ZNF175: variants seen among roughly 807,000 people sequenced by gnomAD.
ZNF175 encodes zinc finger protein 175.
A neutral mutation model predicts 14.0 loss-of-function variants in ZNF175; 8 were observed. That is an observed-to-expected ratio of 0.57 (90% CI 0.34 to 1.03). The LOEUF (loss-of-function observed/expected upper bound fraction) is 1.03. Ranked by LOEUF, ZNF175 falls within the 50% of genes least tolerant of loss-of-function variation. ZNF175 has a pLI of 0.03. For missense variants in ZNF175, 764 were observed against 849.5 expected (o/e 0.90, Z 1.25); for synonymous variants, 255 against 296.8 (o/e 0.86, Z 1.45).
Position 51,589,703 on chromosome 19 carries a change from TAA to T in ZNF175, c.*1238_*1239del. 1 of 645,168 alleles carries T rather than the reference TAA, an allele frequency of 1.5e-6. No individual in the cohort carries two copies. The highest frequency in any genetic ancestry group is 2.8e-6 in the Non-Finnish European group (1 of 360,958). The allele number at this position is 645,168 out of a possible 1,614,324, so 40.0% of individuals were successfully genotyped here. A position where few individuals can be genotyped will look rare whatever the true frequency, so the allele number is the denominator to read the frequency against. On this transcript the variant is annotated 3_prime_UTR_variant, in exon 5 of 5. Coordinates refer to ENST00000262259, the MANE Select transcript of ZNF175 (RefSeq NM_007147.4). ...TGGCCTCCCAACTGTTTTTTTAAAA[TAA>T]AGTTTTATTGGAACACAGCCATGTT...
intron 2 of ZNF175, among the ~76,000 whole-genome samples, chr19:51,580,452 G>A (rs1290042766): frequency 6.6e-6 from 1 of 152,110 alleles, no homozygotes; most frequent in Non-Finnish European, 1.5e-5. Context: ...TGACATTTTT[G>A]TTTTGTCCTT....
In ZNF175 at chr19:51,581,507, C is replaced by G. The variant is rs887549371; in HGVS notation, c.189C>G (p.Leu63=). The change falls in exon 3 of 5, where the codon CTC becomes CTG. Residue 63 remains leucine (L), a synonymous_variant. Coordinates refer to ENST00000262259, the MANE Select transcript of ZNF175 (RefSeq NM_007147.4). ...RDVMLELYSH[L]FAVGYHIPNP... ...TGATGCTGGAGCTCTATAGCCATCT[C>G]TTCGCAGTGGGTGAGCACAACTGAC... 6.2e-7 allele frequency: 1 copy of G among 1,613,140 alleles called. No individual in the cohort carries two copies. The highest frequency in any genetic ancestry group is 1.7e-5 in the Admixed American group (1 of 59,974).
In ZNF175 at chr19:51,587,508, T is replaced by C; in HGVS notation, c.1177T>C (p.Cys393Arg). ...RTHSREKLYE[C>R]SECGKGFSQN... ...TCACAGTAGAGAAAAACTCTATGAA[T>C]GCAGTGAATGTGGCAAAGGCTTCTC... Residue 393 changes from cysteine to arginine, a missense_variant, in exon 5 of 5, where the codon TGC becomes CGC. Cys to Arg is a radical substitution (Grantham distance 180). Coordinates refer to ENST00000262259, the MANE Select transcript of ZNF175 (RefSeq NM_007147.4). 6.2e-7 allele frequency: 1 copy of C among 1,614,200 alleles called. No homozygotes were observed. Among genetic ancestry groups the C allele is most frequent in the South Asian group, 1.1e-5 (1 of 91,088 alleles).
At position 51,589,284 on chromosome 19, in the gene ZNF175, A is replaced by G; in HGVS notation, c.*817A>G. 1 of 501,970 alleles carries G rather than the reference A, an allele frequency of 2.0e-6. No individual in the cohort carries two copies. Among genetic ancestry groups the G allele is most frequent in the Non-Finnish European group, 3.5e-6 (1 of 282,698 alleles). The allele number at this position is 501,970 out of a possible 1,614,324, so 31.1% of individuals were successfully genotyped here. A position where few individuals can be genotyped will look rare whatever the true frequency, so the allele number is the denominator to read the frequency against. On this transcript the variant is annotated 3_prime_UTR_variant, in exon 5 of 5. Transcript: ENST00000262259. ...TGTATGTATGCGTATGTATGTATGT[A>G]TGTATGCCCTCAGTGCAGTGGGGTT... is the stretch of plus-strand genomic sequence containing the variant.
At position 51,589,216 on chromosome 19, in the gene ZNF175, A is replaced by G. The variant is rs1034855672; in HGVS notation, c.*749A>G. 7.4e-6 allele frequency: 2 copies of G among 268,608 alleles called. No individual in the cohort carries two copies. The highest frequency in any genetic ancestry group is 2.2e-5 in the African/African-American group (1 of 45,494). 16.6% of individuals were successfully genotyped at this position (268,608 alleles called of 1,614,324 possible). On this transcript the variant is annotated 3_prime_UTR_variant, in exon 5 of 5. Coordinates refer to ENST00000262259, the MANE Select transcript of ZNF175 (RefSeq NM_007147.4). Reference sequence around the variant, plus strand: ...TATTTCTGTATCTATGTATGTATATATATGCATATGCAGACATATGTATAT... The same window carrying G: ...TATTTCTGTATCTATGTATGTATATGTATGCATATGCAGACATATGTATAT...
Position 51,588,526 on chromosome 19 carries a change from G to A in ZNF175, c.*59G>A, listed in dbSNP as rs1982254714. 5 of 1,482,006 alleles carry A rather than the reference G, an allele frequency of 3.4e-6. No homozygotes were observed. Among genetic ancestry groups the A allele is most frequent in the Admixed American group, 4.8e-5 (2 of 41,892 alleles). The allele number at this position is 1,482,006 out of a possible 1,614,324, so 91.8% of individuals were successfully genotyped here. On this transcript the variant is annotated 3_prime_UTR_variant, in exon 5 of 5. Coordinates refer to ENST00000262259, the MANE Select transcript of ZNF175 (RefSeq NM_007147.4). Reference sequence around the variant, plus strand: ...TATACTCCGAGTTTCTTGAAGAAGAGAAAATCTTCTCAGAATCAGGTCTAA... The same window carrying A: ...TATACTCCGAGTTTCTTGAAGAAGAAAAAATCTTCTCAGAATCAGGTCTAA...
chr19:51,571,768 C>T (rs564351379), intron 1 of ZNF175, among the ~76,000 whole-genome samples: 10 of 152,124 alleles, frequency 6.6e-5, no homozygotes, highest in Non-Finnish European at 1.2e-4. Context: ...GATTCACTGT[C>T]CGTGGGACTA....
chr19:51,581,057 A>C (rs1981980007), intron 2 of ZNF175, among the ~76,000 whole-genome samples: 1 of 152,048 alleles, frequency 6.6e-6, no homozygotes, highest in Non-Finnish European at 1.5e-5. Flanking sequence ...TTCTGTGTTG[A>C]GCACCAGAAC....
Position 51,588,196 on chromosome 19 carries a change from A to G in ZNF175, c.1865A>G (p.Lys622Arg), listed in dbSNP as rs746283244. The change falls in exon 5 of 5, where the codon AAG becomes AGG. Residue 622 changes from lysine to arginine, a missense_variant. Coordinates refer to ENST00000262259, the MANE Select transcript of ZNF175 (RefSeq NM_007147.4). The stretch of plus-strand genomic sequence containing the variant: ...CCTTTTGTCTGTTACAAATGTGGGA[A>G]GGCTTTTGTCCAGAAATCAGAGTTG... ...ERPFVCYKCG[K>R]AFVQKSELIT... The G allele has an allele frequency of 3.3e-5, 53 of 1,614,078 alleles. No homozygotes were observed. The highest frequency in any genetic ancestry group is 3.9e-5 in the Non-Finnish European group (46 of 1,180,036).
rs571562474 is a variant in ZNF175, at chr19:51,576,234, T to TC, written c.72+2834dup. 2.7e-3 allele frequency among the ~76,000 whole-genome samples: 395 copies of TC among 148,216 alleles called. 16 individuals carry two copies. The East Asian group carries it at 0.047, about 18-fold the overall frequency. On this transcript the variant is annotated intron_variant, in intron 2 of 4. Transcript: ENST00000262259. ...GGCGCGATCTTGGCTCACTGCAACC[T>TC]CTCCTCCTGGGTTCAAGCCATTCTC...
At chr19:51,576,482 G>A (rs1216080555) in intron 2 of ZNF175, among the ~76,000 whole-genome samples, 8 of 152,076 alleles carry the variant, frequency 5.3e-5, no homozygotes, top group African/African-American at 9.7e-5. Context: ...ATAACTTTGC[G>A]AGGTACTGCT....
intron 1 of ZNF175, among the ~76,000 whole-genome samples, chr19:51,572,407 G>C (rs1476814039): frequency 6.6e-6 from 1 of 152,196 alleles, no homozygotes; most frequent in African/African-American, 2.4e-5. Flanking sequence ...CAAATTTTCT[G>C]TGTCAAGATG....
At position 51,585,461 on chromosome 19, in the gene ZNF175, T is replaced by C. The variant is rs556550357; in HGVS notation, c.296-1166T>C. 5.9e-5 allele frequency among the ~76,000 whole-genome samples: 9 copies of C among 151,702 alleles called. No individual in the cohort carries two copies. The South Asian group carries it at 1.9e-3, about 32-fold the overall frequency. ...AATGGGCAAGATGGTAAATGTAATA[T>C]TATGCACTTTTGCTACAATAAGAAA... On this transcript the variant is annotated intron_variant, in intron 4 of 4. Transcript: ENST00000262259.
chr19:51,576,151 T>C (rs74326269), intron 2 of ZNF175, among the ~76,000 whole-genome samples: 1 of 122,484 alleles, frequency 8.2e-6, no homozygotes, highest in Non-Finnish European at 1.7e-5. Context: ...TTTTTTTTTT[T>C]GTTTTTTTTT....
Position 51,573,196 on chromosome 19 carries a change from A to T in ZNF175, c.-134A>T. 2 of 819,096 alleles carry T rather than the reference A, an allele frequency of 2.4e-6. No homozygotes were observed. Among genetic ancestry groups the T allele is most frequent in the Non-Finnish European group, 4.1e-6 (2 of 484,384 alleles). The allele number at this position is 819,096 out of a possible 1,614,324, so 50.7% of individuals were successfully genotyped here. ...CAGGCCACATCATTGAGGCTGCAGGATCTCTCTTCATAGCCCAGTACGACT... is the reference window on the plus strand; with the variant it reads ...CAGGCCACATCATTGAGGCTGCAGGTTCTCTCTTCATAGCCCAGTACGACT... On this transcript the variant is annotated 5_prime_UTR_variant, in exon 2 of 5. Transcript: ENST00000262259.
Position 51,586,737 on chromosome 19 carries a change from G to C in ZNF175, c.406G>C (p.Glu136Gln), listed in dbSNP as rs759613806. Residue 136 changes from glutamate to glutamine, a missense_variant, in exon 5 of 5, where the codon GAA (glutamate) becomes CAA (glutamine). Transcript: ENST00000262259. ...TRDGSWCSIL[E>Q]ELRLDADRTK... is the part of the protein sequence containing the mutation. ...AGATGGTTCATGGTGTTCCATTTTA[G>C]AAGAACTGAGGCTGGATGCTGACCG... is the stretch of plus-strand genomic sequence containing the variant. The C allele has an allele frequency of 6.2e-7, 1 of 1,614,202 alleles. No homozygotes were observed. The highest frequency in any genetic ancestry group is 1.1e-5 in the South Asian group (1 of 91,082).
At position 51,588,476 on chromosome 19, in the gene ZNF175, TG is replaced by T. The variant is rs1332415186; in HGVS notation, c.*10del. 2.0e-6 allele frequency: 3 copies of T among 1,526,066 alleles called. No individual in the cohort carries two copies. The highest frequency in any genetic ancestry group is 2.6e-6 in the Non-Finnish European group (3 of 1,144,704). 94.5% of individuals were successfully genotyped at this position (1,526,066 alleles called of 1,614,324 possible). ...GCTTTACCAAGCAATGAATTCCTAG[TG>T]CATCAGCATATTCATAAATGAAATA... On this transcript the variant is annotated 3_prime_UTR_variant, in exon 5 of 5. Coordinates refer to ENST00000262259, the MANE Select transcript of ZNF175 (RefSeq NM_007147.4).
rs148090444 is a variant in ZNF175 at position 51,582,549 on chromosome 19, G to A, written c.295+667G>A. The stretch of plus-strand genomic sequence containing the variant: ...CCTGACCTTGTGATCTGCCCACCTC[G>A]GCCTCCCAAAGTGCTGGAATTATAG... On this transcript the variant is annotated intron_variant, in intron 4 of 4. Transcript: ENST00000262259. 5.7e-3 allele frequency among the ~76,000 whole-genome samples: 870 copies of A among 152,188 alleles called. 3 individuals carry two copies. Among genetic ancestry groups the A allele is most frequent in the Middle Eastern group, 0.024 (7 of 294 alleles).
chr19:51,577,804 A>T (rs199998324), intron 2 of ZNF175, among the ~76,000 whole-genome samples: 1 of 151,528 alleles, frequency 6.6e-6, no homozygotes, highest in East Asian at 2.0e-4. Context: ...GCTGGGACTA[A>T]AGGCGCCCGC....
Sources: gnomAD v4.1 joint callset for allele counts (sites outside exome capture counted in the v4.1 genomes callset) on GRCh38, gnomAD v4.1.1 for gene constraint, MANE v1.5 for transcripts, NCBI Gene and HGNC (gene_info 2026-07-23, HGNC 2026-07-21) for gene names.